Variants in GABPB2 observed in about 807,000 individuals in gnomAD.
The protein encoded by GABPB2 is GA binding protein transcription factor subunit beta 2.
In GABPB2, 23 loss-of-function variants were observed where a neutral mutation model predicts 39.1. The ratio of observed to expected loss-of-function variants is 0.59; its 90% confidence interval spans 0.42 to 0.83. The LOEUF is 0.83. Ranked by LOEUF, GABPB2 falls within the 40% of genes least tolerant of loss-of-function variation. The pLI is 0.00. For synonymous variants in GABPB2, 184 were observed against 199.3 expected (o/e 0.92, Z 0.65); for missense variants, 467 against 541.1 (o/e 0.86, Z 1.36).
chr1:151,087,439 G>T (rs1022317541), intron 1 of GABPB2, among the ~76,000 whole-genome samples: 2 of 151,958 alleles, frequency 1.3e-5, no homozygotes, highest in Non-Finnish European at 2.9e-5. Flanking sequence ...TTGAGGTCAG[G>T]AGTTCAAGAC....
intron 1 of GABPB2, among the ~76,000 whole-genome samples, chr1:151,073,838 T>C (rs1219571947): frequency 6.6e-6 from 1 of 151,862 alleles, no homozygotes; most frequent in Non-Finnish European, 1.5e-5. Context: ...GAGAATCACT[T>C]GTACCCAGGA....
At chr1:151,086,599 GT>G (rs1370608721) in intron 1 of GABPB2, among the ~76,000 whole-genome samples, 1 of 152,022 alleles carries the variant, frequency 6.6e-6, no homozygotes, top group Non-Finnish European at 1.5e-5. Context: ...ACCACCAGGG[GT>G]CCATAAACCA....
chr1:151,071,118 G>C (rs1676671293), intron 1 of GABPB2, among the ~76,000 whole-genome samples, 184 bp downstream of exon 1: 1 of 152,072 alleles, frequency 6.6e-6, no homozygotes, highest in African/African-American at 2.4e-5. Flanking sequence ...ATGCTGTCGG[G>C]AGGAAGGGGA....
chr1:151,070,884 T>C lies in GABPB2; in HGVS notation c.-51T>C, dbSNP rs2102984910. On this transcript the variant is annotated 5_prime_UTR_variant, in exon 1 of 9. Transcript: ENST00000368918. ...TCTTAACTAGAGAAGGAAACGGGAC[T>C]AAACTGGCGGGCTCCGTGGAAGCGT... The C allele has an allele frequency of 6.6e-6, 1 of 152,282 alleles. No individual in the cohort carries two copies. Among genetic ancestry groups the C allele is most frequent in the Non-Finnish European group, 1.5e-5 (1 of 68,036 alleles). The allele number at this position is 152,282 out of a possible 1,614,324, so 9.4% of individuals were successfully genotyped here. A position where few individuals can be genotyped will look rare whatever the true frequency, so the allele number is the denominator to read the frequency against.
intron 6 of GABPB2, 88 bp from the exon 7 acceptor site, chr1:151,106,949 A>G: frequency 1.2e-6 from 1 of 801,818 alleles, no homozygotes. Context: ...CCTCTCCCTG[A>G]ATGTTGTCAG....
Position 151,088,181 on chromosome 1 carries a change from T to C in GABPB2, c.1-9T>C, listed in dbSNP as rs1558134208. The C allele has an allele frequency of 6.2e-7, 1 of 1,607,388 alleles. No homozygotes were observed. Among genetic ancestry groups the C allele is most frequent in the Admixed American group, 1.7e-5 (1 of 59,884 alleles). ...AGCTACCTGAAAACTTTTGTTCCTATGCATAAAGATGTCTTTGGTGGACTT... is the reference window on the plus strand; with the variant it reads ...AGCTACCTGAAAACTTTTGTTCCTACGCATAAAGATGTCTTTGGTGGACTT... On this transcript the variant is annotated splice_polypyrimidine_tract_variant and intron_variant, in intron 1 of 8. Coordinates refer to ENST00000368918, the MANE Select transcript of GABPB2 (RefSeq NM_144618.3).
chr1:151,100,728 C>T (rs2101528867), intron 5 of GABPB2, among the ~76,000 whole-genome samples: 1 of 150,284 alleles, frequency 6.7e-6, no homozygotes, highest in East Asian at 2.0e-4. Context: ...AGCTGGGATA[C>T]TGGTGCCTGC....
rs150321452 is a variant in GABPB2 at position 151,107,191 on chromosome 1, A to G, written c.891A>G (p.Pro297=). The change falls in exon 7 of 9, where the codon CCA becomes CCG. Residue 297 remains proline (P), a synonymous_variant. Transcript: ENST00000368918. ...TCCCTACTGGAGGCATTGGCCAGCC[A>G]TTTATTGTAACTGTGCAAGATGGAC... ...TSIPTGGIGQ[P]FIVTVQDGQQ... is the part of the protein sequence containing the mutation. 1.3e-5 allele frequency: 20 copies of G among 1,599,818 alleles called. No individual in the cohort carries two copies. The African/African-American group carries it at 2.6e-4, about 21-fold the overall frequency.
At chr1:151,117,841 C>A in intron 8 of GABPB2, 116 bp from the exon 9 acceptor site, 1 of 1,033,404 alleles carries the variant, frequency 9.7e-7, no homozygotes, top group Non-Finnish European at 1.4e-6. Flanking sequence ...ACCTCTGCCT[C>A]CCAAAGTGCT....
At chr1:151,101,588 A>G (rs587601630) in intron 5 of GABPB2, among the ~76,000 whole-genome samples, 17 of 151,638 alleles carry the variant, frequency 1.1e-4, no homozygotes, top group African/African-American at 4.1e-4. Context: ...AAAAAAAGAA[A>G]AAGAAAAAAG....
intron 7 of GABPB2, among the ~76,000 whole-genome samples, chr1:151,112,979 A>G (rs1177051915): frequency 1.3e-5 from 2 of 150,164 alleles, no homozygotes; most frequent in Admixed American, 6.7e-5. Flanking sequence ...GGGTTTCACC[A>G]TGTTGGCCAG....
At chr1:151,091,349 A>G (rs1463665370) in intron 3 of GABPB2, among the ~76,000 whole-genome samples, 1 of 150,438 alleles carries the variant, frequency 6.6e-6, no homozygotes, top group African/African-American at 2.4e-5. Flanking sequence ...TGGCCTCCCA[A>G]AGTGCTTGGA....
chr1:151,110,402 A>G (rs1680328468), intron 7 of GABPB2, among the ~76,000 whole-genome samples: 1 of 152,114 alleles, frequency 6.6e-6, no homozygotes, highest in African/African-American at 2.4e-5. Context: ...TATAATGGAA[A>G]TAAATAAATG....
chr1:151,086,815 G>A (rs1014172954), intron 1 of GABPB2, among the ~76,000 whole-genome samples: 3 of 151,688 alleles, frequency 2.0e-5, no homozygotes, highest in East Asian at 3.9e-4. Flanking sequence ...CTATAGGCAC[G>A]TACCACCATG....
At chr1:151,092,251 C>T (rs587753894) in intron 3 of GABPB2, among the ~76,000 whole-genome samples, 2 of 151,802 alleles carry the variant, frequency 1.3e-5, no homozygotes, top group East Asian at 1.9e-4. Context: ...GGACTACAGG[C>T]GTGCTCCACC....
At chr1:151,097,816 A>G (rs372469815) in intron 4 of GABPB2, 36 bp from the exon 5 acceptor site, 9 of 1,587,506 alleles carry the variant, frequency 5.7e-6, no homozygotes, top group Non-Finnish European at 7.7e-6. Context: ...AAAGCTAATA[A>G]GTGTTCTGAT....
rs587760842 is a variant in GABPB2, at chr1:151,116,122, T to C, written c.923-1270T>C. Among the ~76,000 whole-genome samples the C allele has an allele frequency of 9.9e-5, 15 of 151,932 alleles. No individual in the cohort carries two copies. In the South Asian group the frequency reaches 2.9e-3, roughly 30 times the overall value. On this transcript the variant is annotated intron_variant, in intron 7 of 8. Coordinates refer to ENST00000368918, the MANE Select transcript of GABPB2 (RefSeq NM_144618.3). ...CTCGATAAAAAAAGGCCGGGTGTGG[T>C]AGCTCACGCCTGTAATCCCAGCACT... is the stretch of plus-strand genomic sequence containing the variant.
At chr1:151,077,728 G>A (rs1020339317) in intron 1 of GABPB2, among the ~76,000 whole-genome samples, 6 of 151,606 alleles carry the variant, frequency 4.0e-5, no homozygotes, top group African/African-American at 1.5e-4. Context: ...CGAGGCAGGT[G>A]GATCACAAGG....
At chr1:151,107,589 C>T (rs1272216379) in intron 7 of GABPB2, among the ~76,000 whole-genome samples, 4 of 151,772 alleles carry the variant, frequency 2.6e-5, no homozygotes, top group Admixed American at 1.3e-4. Flanking sequence ...GCAGGCTCCG[C>T]CTCCTGGGTT....
Sources: gnomAD v4.1 joint callset for allele counts (sites outside exome capture counted in the v4.1 genomes callset) on GRCh38, gnomAD v4.1.1 for gene constraint, MANE v1.5 for transcripts, NCBI Gene and HGNC (gene_info 2026-07-23, HGNC 2026-07-21) for gene names.